Variants in MICAL2 observed in about 807,000 individuals in gnomAD.
The protein encoded by MICAL2 is [F-actin]-monooxygenase MICAL2.
MICAL2 carries 77 observed loss-of-function variants against 127.3 expected under a neutral mutation model. That is an observed-to-expected ratio of 0.60 (90% CI 0.50 to 0.73). MICAL2 has a LOEUF of 0.73. MICAL2 is among the 30% of genes least tolerant of loss of function. The pLI, the probability that MICAL2 is intolerant of heterozygous loss-of-function variation, is 0.00. For synonymous variants in MICAL2, 570 were observed against 551.1 expected, an observed-to-expected ratio of 1.03 and a Z score of -0.48; for missense variants, 1,351 against 1,434.4, an observed-to-expected ratio of 0.94 and a Z score of 0.94.
chr11:12,263,296 C>A (rs1863368106), intron 27 of MICAL2: 2 of 152,256 alleles, frequency 1.3e-5, no homozygotes, highest in Non-Finnish European at 2.9e-5. Flanking sequence ...CTGCTTAAAG[C>A]ACACATTTCT....
intron 1 of MICAL2, among the ~76,000 whole-genome samples, chr11:12,123,333 A>G (rs1850662649): frequency 6.6e-6 from 1 of 152,302 alleles, no homozygotes; most frequent in East Asian, 1.9e-4. Context: ...ATCAATGTCC[A>G]TGGTTTTCTG....
downstream of MICAL2, among the ~76,000 whole-genome samples, chr11:12,296,618 C>T (rs960403947): frequency 6.7e-6 from 1 of 150,362 alleles, no homozygotes; most frequent in African/African-American, 2.4e-5. Context: ...GGTTCAAAAT[C>T]AAAGGGTACA....
chr11:12,311,904 T>A (rs1864179105), intron 29 of MICAL2, among the ~76,000 whole-genome samples: 1 of 152,158 alleles, frequency 6.6e-6, no homozygotes, highest in South Asian at 2.1e-4. Flanking sequence ...ATTATAAATT[T>A]AGTCCCTTTA....
intron 2 of MICAL2, among the ~76,000 whole-genome samples, chr11:12,159,507 G>A (rs1237827660): frequency 6.6e-6 from 1 of 152,178 alleles, no homozygotes; most frequent in African/African-American, 2.4e-5. Flanking sequence ...TACCCTGCAA[G>A]GATGAGATTA....
chr11:12,242,098 C>A, intron 18 of MICAL2, 116 bp from the exon 19 acceptor site: 1 of 832,674 alleles, frequency 1.2e-6, no homozygotes, highest in Non-Finnish European at 1.8e-6. Context: ...TGGAATCTTA[C>A]TTAGGGTTGC....
At chr11:12,212,881 GAA>G (rs1187944878) in intron 6 of MICAL2, among the ~76,000 whole-genome samples, 1 of 152,316 alleles carries the variant, frequency 6.6e-6, no homozygotes, top group East Asian at 1.9e-4. Flanking sequence ...GGCACCATAA[GAA>G]ATGCTAACAG....
At chr11:12,250,117 T>C (rs1425179397) in intron 22 of MICAL2, 1 of 152,320 alleles carries the variant, frequency 6.6e-6, no homozygotes, top group East Asian at 1.9e-4. Context: ...GCCGTGTTTC[T>C]ATCTAGATTG....
In MICAL2 at chr11:12,229,841, G is replaced by T. The variant is rs79077038; in HGVS notation, c.1995+2710G>T. Among the ~76,000 whole-genome samples the T allele has an allele frequency of 0.02, 3,014 of 152,282 alleles. 240 individuals are homozygous for T. The East Asian group carries it at 0.29, about 14-fold the overall frequency. On this transcript the variant is annotated intron_variant, in intron 15 of 27. Transcript: ENST00000683283. ...TGAATCTTGTTCAGTCTTCTTCAGG[G>T]TGTGTCCCTTGGCTGCCCATTTTGA...
chr11:12,294,109 A>G (rs1863941565), downstream of MICAL2: 1 of 1,613,962 alleles, frequency 6.2e-7, no homozygotes, highest in Admixed American at 1.7e-5. Context: ...TGCTAAAACC[A>G]GTCCGCCCCC....
chr11:12,266,427 C>T (rs754422086), downstream of MICAL2, among the ~76,000 whole-genome samples: 4 of 152,058 alleles, frequency 2.6e-5, no homozygotes, highest in Non-Finnish European at 5.9e-5. Flanking sequence ...TAAATGCATT[C>T]ATTTTTACAA....
chr11:12,338,506 G>T (rs1241321098), intron 32 of MICAL2, among the ~76,000 whole-genome samples: 1 of 152,162 alleles, frequency 6.6e-6, no homozygotes, highest in Non-Finnish European at 1.5e-5. Flanking sequence ...TATGATGTTA[G>T]CTGGTTATTT....
chr11:12,217,705 G>T (rs1485942902), intron 8 of MICAL2, among the ~76,000 whole-genome samples: 1 of 152,130 alleles, frequency 6.6e-6, no homozygotes, highest in Admixed American at 6.5e-5. Flanking sequence ...GTCATCCCAG[G>T]TGTTTGCTCA....
At chr11:12,355,691 A>G (rs1939118285) in intron 34 of MICAL2, among the ~76,000 whole-genome samples, 1 of 152,230 alleles carries the variant, frequency 6.6e-6, no homozygotes, top group Non-Finnish European at 1.5e-5. Flanking sequence ...CGCCCAATTT[A>G]CAAATTAGAA....
intron 8 of MICAL2, 79 bp downstream of exon 8, chr11:12,216,398 C>G: frequency 8.8e-7 from 1 of 1,134,084 alleles, no homozygotes; most frequent in Non-Finnish European, 1.3e-6. Context: ...CAGATGTCGT[C>G]CTGCCAGAAA....
downstream of MICAL2, among the ~76,000 whole-genome samples, chr11:12,288,559 C>T (rs536978571): frequency 6.6e-6 from 1 of 152,312 alleles, no homozygotes; most frequent in African/African-American, 2.4e-5. Context: ...AGGAGTATTG[C>T]ACAGCGTTTC....
intron 15 of MICAL2, among the ~76,000 whole-genome samples, chr11:12,230,278 G>A (rs1309759292): frequency 6.6e-6 from 1 of 152,170 alleles, no homozygotes; most frequent in East Asian, 1.9e-4. Context: ...GTCTGGTCCT[G>A]CACAGCCACA....
At chr11:12,278,469 C>T (rs151045611) in intron 1 of MICAL2, among the ~76,000 whole-genome samples, 8 of 152,268 alleles carry the variant, frequency 5.3e-5, no homozygotes, top group East Asian at 1.9e-4. Context: ...GGAATTTTCC[C>T]GCTCCATTAT....
At position 12,219,085 on chromosome 11, in the gene MICAL2, G is replaced by T. The variant is rs145664316; in HGVS notation, c.949-1116G>T. Among the ~76,000 whole-genome samples the T allele has an allele frequency of 5.4e-3, 826 of 152,202 alleles. 7 individuals carry two copies. Among genetic ancestry groups the T allele is most frequent in the African/African-American group, 0.019 (797 of 41,510 alleles). On this transcript the variant is annotated intron_variant, in intron 8 of 27. Coordinates refer to ENST00000683283, the MANE Select transcript of MICAL2 (RefSeq NM_001282663.2). ...GAGACTCTGAAAAGTTAAATAACTG[G>T]CCCAGATTTAGTTAGTAAACAGCAG... is the stretch of plus-strand genomic sequence containing the variant.
Position 12,312,127 on chromosome 11 carries a change from T to A in MICAL2, c.5213-7569T>A, listed in dbSNP as rs866474468. On this transcript the variant is annotated intron_variant, in intron 29 of 34. Coordinates refer to the MICAL2 transcript ENST00000646065. Reference sequence around the variant, plus strand: ...ATCCCTAATATTGGTAATTTTTGTTTTCTGCCCATTTTTTGCTTAATCATT... The same window carrying A: ...ATCCCTAATATTGGTAATTTTTGTTATCTGCCCATTTTTTGCTTAATCATT... Among the ~76,000 whole-genome samples, 79 of 151,980 alleles carry A rather than the reference T, an allele frequency of 5.2e-4. 1 individual carries two copies. The highest frequency in any genetic ancestry group is 3.4e-3 in the Middle Eastern group (1 of 294).
Sources: allele counts gnomAD v4.1 joint callset (sites outside exome capture counted in the v4.1 genomes callset), GRCh38; gene constraint gnomAD v4.1.1; transcripts MANE v1.5; gene names NCBI Gene and HGNC (gene_info 2026-07-23, HGNC 2026-07-21).